Variants in LIPC observed in about 807,000 individuals in gnomAD.
LIPC encodes lipase C, hepatic type.
Under a neutral mutation model 50.7 loss-of-function variants are expected in LIPC, and 44 were observed. That is an observed-to-expected ratio of 0.87 (90% confidence interval 0.68 to 1.11). The LOEUF (loss-of-function observed/expected upper bound fraction) is 1.11. Ranked by LOEUF, LIPC falls within the 50% of genes most tolerant of loss-of-function variation. The pLI is 0.00. For missense variants in LIPC, 697 were observed against 648.2 expected, an observed-to-expected ratio of 1.08 and a Z score of -0.82; for synonymous variants, 271 against 256.4, an observed-to-expected ratio of 1.06 and a Z score of -0.54.
intron 6 of LIPC, among the ~76,000 whole-genome samples, chr15:58,556,918 A>G (rs944889727): frequency 2.3e-4 from 35 of 152,354 alleles, no homozygotes; most frequent in Admixed American, 1.8e-3. Context: ...AATTATATGA[A>G]ACTATTAGCT....
rs1978578 is a variant in LIPC, at chr15:58,569,627, T to C, written c.*800T>C. The C allele has an allele frequency of 0.41, 62,529 of 151,970 alleles. 13,248 individuals are homozygous for C. Among genetic ancestry groups the C allele is most frequent in the East Asian group, 0.59 (3,022 of 5,152 alleles). The allele number at this position is 151,970 out of a possible 1,614,324, so 9.4% of individuals were successfully genotyped here. A position where few individuals can be genotyped will look rare whatever the true frequency, so the allele number is the denominator to read the frequency against. On this transcript the variant is annotated 3_prime_UTR_variant, in exon 9 of 9. Transcript: ENST00000299022. ...TGGAGGTGGGGCCTTTGGGAGGTGA[T>C]CAGGTCATGAGGGTGGAGCCCTCAT... is the stretch of plus-strand genomic sequence containing the variant.
At chr15:58,464,933 A>C (rs1894495439) in intron 1 of LIPC, among the ~76,000 whole-genome samples, 1 of 152,146 alleles carries the variant, frequency 6.6e-6, no homozygotes, top group South Asian at 2.1e-4. Context: ...AGACTGTGCC[A>C]CTGTACTCCA....
At chr15:58,478,566 C>A (rs1488334068) in intron 1 of LIPC, among the ~76,000 whole-genome samples, 1 of 152,126 alleles carries the variant, frequency 6.6e-6, no homozygotes, top group African/African-American at 2.4e-5. Context: ...AATCCTGGAA[C>A]AACCATATAA....
intron 1 of LIPC, among the ~76,000 whole-genome samples, chr15:58,534,427 C>G (rs1219470912): frequency 6.6e-6 from 1 of 152,146 alleles, no homozygotes; most frequent in African/African-American, 2.4e-5. Flanking sequence ...TCCTTCCACC[C>G]CTAAATGTGA....
intron 6 of LIPC, among the ~76,000 whole-genome samples, chr15:58,558,549 G>A (rs1169324014): frequency 6.6e-6 from 1 of 152,202 alleles, no homozygotes; most frequent in Non-Finnish European, 1.5e-5. Context: ...CAGTGGGCGA[G>A]CAAGCATAAC....
At chr15:58,528,663 C>T (rs1288560478) in intron 1 of LIPC, among the ~76,000 whole-genome samples, 5 of 152,202 alleles carry the variant, frequency 3.3e-5, no homozygotes, top group Admixed American at 2.6e-4. Context: ...CACCACCATA[C>T]CCAGCTAGAG....
intron 1 of LIPC, among the ~76,000 whole-genome samples, chr15:58,444,049 T>C (rs918382915): frequency 6.6e-6 from 1 of 152,216 alleles, no homozygotes; most frequent in African/African-American, 2.4e-5. Context: ...CATCTGGGTG[T>C]ATACGTGCCA....
At chr15:58,520,539 TATAC>T (rs1432910299) in intron 1 of LIPC, among the ~76,000 whole-genome samples, 2 of 152,170 alleles carry the variant, frequency 1.3e-5, no homozygotes, top group South Asian at 4.1e-4. Flanking sequence ...AGCTCAACAG[TATAC>T]AAGCCCGCTG....
chr15:58,469,933 A>ATTTTT (rs11369488), intron 1 of LIPC, among the ~76,000 whole-genome samples: 2 of 138,366 alleles, frequency 1.4e-5, no homozygotes, highest in South Asian at 4.6e-4. Context: ...TCTTCATGGA[A>ATTTTT]TTTTTTTTTT....
chr15:58,534,564 A>C (rs1427179210), intron 1 of LIPC, among the ~76,000 whole-genome samples: 1 of 152,206 alleles, frequency 6.6e-6, no homozygotes, highest in Non-Finnish European at 1.5e-5. Flanking sequence ...TGAAGATTAC[A>C]GGGCTCTCAG....
At chr15:58,563,294 A>G (rs139738781) in intron 7 of LIPC, among the ~76,000 whole-genome samples, 1 of 152,330 alleles carries the variant, frequency 6.6e-6, no homozygotes, top group Non-Finnish European at 1.5e-5. Flanking sequence ...AGAAAATAGT[A>G]TAGTTTTCGC....
chr15:58,568,465 A>T (rs1232707161), intron 8 of LIPC, among the ~76,000 whole-genome samples: 1 of 152,244 alleles, frequency 6.6e-6, no homozygotes, highest in Non-Finnish European at 1.5e-5. Context: ...GGGCTGCCCC[A>T]GGACTTTCCT....
chr15:58,538,652 A>G, intron 2 of LIPC, 135 bp downstream of exon 2: 1 of 878,444 alleles, frequency 1.1e-6, no homozygotes, highest in Non-Finnish European at 1.9e-6. Context: ...AGCACGTTCT[A>G]ATTTTCCAAG....
intron 1 of LIPC, among the ~76,000 whole-genome samples, chr15:58,536,708 C>T (rs563167075): frequency 7.7e-4 from 118 of 152,260 alleles, no homozygotes; most frequent in African/African-American, 2.4e-3. Flanking sequence ...CCAAAGAGAG[C>T]GGCAGAAATT....
chr15:58,554,257 T>C (rs1424676292), intron 6 of LIPC, among the ~76,000 whole-genome samples: 8 of 152,202 alleles, frequency 5.3e-5, no homozygotes, highest in African/African-American at 1.2e-4. Context: ...CTCAGATTTC[T>C]GCTGTAAATG....
intron 1 of LIPC, among the ~76,000 whole-genome samples, chr15:58,488,128 G>A (rs528736043): frequency 9.2e-5 from 14 of 152,292 alleles, no homozygotes; most frequent in African/African-American, 2.4e-4. Flanking sequence ...AAAATTAGCC[G>A]GGCATGGTAG....
intron 1 of LIPC, among the ~76,000 whole-genome samples, chr15:58,475,283 C>T (rs7176309): frequency 1.3e-4 from 20 of 152,298 alleles, no homozygotes; most frequent in African/African-American, 4.6e-4. Flanking sequence ...CACCATAATC[C>T]AGGTGATCCT....
intron 2 of LIPC, 101 bp downstream of exon 2, chr15:58,538,618 C>T: frequency 9.0e-7 from 1 of 1,106,518 alleles, no homozygotes; most frequent in South Asian, 1.3e-5. Flanking sequence ...CTGGTGATAA[C>T]AACTCCATGC....
chr15:58,530,267 C>A (rs1297628131), intron 1 of LIPC, among the ~76,000 whole-genome samples: 3 of 152,194 alleles, frequency 2.0e-5, no homozygotes, highest in African/African-American at 7.2e-5. Flanking sequence ...CAGGGAAGAC[C>A]TTCCGGACAT....
Sources: gnomAD v4.1 joint callset for allele counts (sites outside exome capture counted in the v4.1 genomes callset) on GRCh38, gnomAD v4.1.1 for gene constraint, MANE v1.5 for transcripts, NCBI Gene and HGNC (gene_info 2026-07-23, HGNC 2026-07-21) for gene names.